WRN: variants seen among roughly 807,000 people sequenced by gnomAD.
WRN encodes WRN RecQ like helicase.
A neutral mutation model predicts 180.7 loss-of-function variants in WRN; 149 were observed. The ratio of observed to expected loss-of-function variants is 0.82; its 90% CI spans 0.72 to 0.94. WRN has a LOEUF of 0.94. WRN is among the 40% of genes least tolerant of loss of function. The pLI is 0.00. For synonymous variants in WRN, 548 were observed against 568.9 expected, an observed-to-expected ratio of 0.96 and a Z score of 0.52; for missense variants, 1,661 against 1,700.1, an observed-to-expected ratio of 0.98 and a Z score of 0.40.
intron 13 of WRN, among the ~76,000 whole-genome samples, chr8:31,089,262 T>G (rs1157304271): frequency 6.6e-6 from 1 of 152,096 alleles, no homozygotes; most frequent in Admixed American, 6.6e-5. Context: ...TGACTTGTTT[T>G]TCATTAAACG....
chr8:31,089,036 C>T (rs1309528103), intron 13 of WRN, 71 bp downstream of exon 13: 10 of 1,381,516 alleles, frequency 7.2e-6, no homozygotes, highest in Non-Finnish European at 1.0e-5. Flanking sequence ...AGGCAAATAA[C>T]CTGTCTGCTT....
At chr8:31,088,251 A>G (rs1813613551) in intron 12 of WRN, among the ~76,000 whole-genome samples, 1 of 152,112 alleles carries the variant, frequency 6.6e-6, no homozygotes, top group Admixed American at 6.5e-5. Context: ...AATTATCTTG[A>G]TTCTTTGTTT....
intron 3 of WRN, among the ~76,000 whole-genome samples, chr8:31,059,552 C>G (rs1812406635): frequency 6.6e-6 from 1 of 151,990 alleles, no homozygotes; most frequent in East Asian, 1.9e-4. Context: ...TTTTAACTTT[C>G]AGTACTTAAG....
rs766463285 is a variant in WRN at position 31,141,766 on chromosome 8, T to C, written c.3224T>C (p.Leu1075Pro). ...GAAGAATTGTGTCCAAAGAAGTTGC[T>C]TCTGCCTAGGTTCATTTTTCAGTTT... ...ANEELCPKKLLLPSSKTVSSG... is the reference protein window; with the variant it reads ...ANEELCPKKLPLPSSKTVSSG... Residue 1075 changes from leucine (L) to proline (P), a missense_variant, in exon 26 of 35, where the codon CTT (leucine) becomes CCT (proline). Leu to Pro is a moderately conservative substitution (Grantham distance 98). Transcript: ENST00000298139. 6.2e-6 allele frequency: 10 copies of C among 1,613,968 alleles called. No individual in the cohort carries two copies. The highest frequency in any genetic ancestry group is 8.5e-6 in the Non-Finnish European group (10 of 1,179,976).
chr8:31,055,613 G>GTT (rs374316077), intron 1 of WRN, among the ~76,000 whole-genome samples: 2,642 of 147,212 alleles, frequency 0.018, 58 homozygotes, highest in African/African-American at 0.063. Context: ...GGGATTGTTT[G>GTT]TTTTTTTTTT....
intron 19 of WRN, among the ~76,000 whole-genome samples, chr8:31,115,588 C>A (rs1236417205): frequency 6.6e-6 from 1 of 152,110 alleles, no homozygotes; most frequent in Non-Finnish European, 1.5e-5. Context: ...GAAATTGGAT[C>A]AAAAGTTATA....
At chr8:31,080,837 T>C (rs1813272699) in intron 8 of WRN, 30 bp from the exon 9 acceptor site, 1 of 1,549,108 alleles carries the variant, frequency 6.5e-7, no homozygotes, top group Non-Finnish European at 8.8e-7. Flanking sequence ...CAATTGAAGT[T>C]GAATTAATCT....
chr8:31,095,677 A>G (rs1273453581), intron 16 of WRN, among the ~76,000 whole-genome samples: 1 of 152,220 alleles, frequency 6.6e-6, no homozygotes, highest in Non-Finnish European at 1.5e-5. Flanking sequence ...TACCTTTGTC[A>G]AAAATAAATT....
chr8:31,067,240 G>C (rs1563331470), intron 6 of WRN, 58 bp downstream of exon 6: 3 of 1,588,982 alleles, frequency 1.9e-6, no homozygotes, highest in Non-Finnish European at 1.7e-6. Context: ...TATTATAAAT[G>C]ACTTTAGAAA....
At chr8:31,062,409 ATT>A (rs3056741) in intron 3 of WRN, among the ~76,000 whole-genome samples, 72 of 139,724 alleles carry the variant, frequency 5.2e-4, no homozygotes, top group African/African-American at 1.7e-3. Context: ...ATTTTCTTCA[ATT>A]TTTTTTTTTT....
intron 24 of WRN, among the ~76,000 whole-genome samples, chr8:31,139,733 C>T (rs59099851): frequency 6.6e-6 from 1 of 152,122 alleles, no homozygotes; most frequent in East Asian, 1.9e-4. Flanking sequence ...AAATTAAATA[C>T]CTCCACAATC....
At chr8:31,140,161 G>T (rs1802565008) in intron 24 of WRN, among the ~76,000 whole-genome samples, 4 of 151,408 alleles carry the variant, frequency 2.6e-5, no homozygotes, top group African/African-American at 9.7e-5. Context: ...CTGAGTAGCG[G>T]AACAACAGGT....
At chr8:31,115,261 G>A (rs943377052) in intron 19 of WRN, among the ~76,000 whole-genome samples, 1 of 152,148 alleles carries the variant, frequency 6.6e-6, no homozygotes, top group Non-Finnish European at 1.5e-5. Context: ...AGTTCACTGT[G>A]AATTTTTGAT....
chr8:31,106,644 G>A (rs1175580096), intron 18 of WRN, among the ~76,000 whole-genome samples: 1 of 152,018 alleles, frequency 6.6e-6, no homozygotes, highest in Non-Finnish European at 1.5e-5. Flanking sequence ...TTGGATTTAG[G>A]CCTCCTGGGC....
At chr8:31,134,202 C>T (rs1200187383) in intron 24 of WRN, among the ~76,000 whole-genome samples, 1 of 151,972 alleles carries the variant, frequency 6.6e-6, no homozygotes, top group Non-Finnish European at 1.5e-5. Flanking sequence ...TTAAAATTAT[C>T]GTTATAATTC....
rs928064355 is a variant in WRN at position 31,175,601 on chromosome 8, T to G, written c.*2499T>G. ...AAGAAACTATTACTTGTCCACTTTT[T>G]GGTAAAATTTCAGAGAACAATGTCC... On this transcript the variant is annotated 3_prime_UTR_variant, in exon 35 of 35. Coordinates refer to ENST00000298139, the MANE Select transcript of WRN (RefSeq NM_000553.6). Among the ~76,000 whole-genome samples the G allele has an allele frequency of 3.3e-5, 5 of 152,224 alleles. No homozygotes were observed. The highest frequency in any genetic ancestry group is 5.9e-5 in the Non-Finnish European group (4 of 68,030).
intron 8 of WRN, among the ~76,000 whole-genome samples, chr8:31,077,450 G>A (rs1813141071): frequency 6.6e-6 from 1 of 151,882 alleles, no homozygotes; most frequent in South Asian, 2.1e-4. Flanking sequence ...CACCGTGTTA[G>A]CCAGGATCGT....
At chr8:31,065,126 TTCTA>T in intron 5 of WRN, 63 bp downstream of exon 5, 1 of 1,541,570 alleles carries the variant, frequency 6.5e-7, no homozygotes. Flanking sequence ...AGAATGTACT[TTCTA>T]TCTGAATGTT....
intron 18 of WRN, among the ~76,000 whole-genome samples, chr8:31,108,942 C>T (rs558835157): frequency 3.9e-5 from 6 of 152,332 alleles, no homozygotes; most frequent in South Asian, 2.1e-4. Flanking sequence ...GCTGAGTTGC[C>T]TCCAGTCTTT....
Sources: gnomAD v4.1 joint callset for allele counts (sites outside exome capture counted in the v4.1 genomes callset) on GRCh38, gnomAD v4.1.1 for gene constraint, MANE v1.5 for transcripts, NCBI Gene and HGNC (gene_info 2026-07-23, HGNC 2026-07-21) for gene names.